Variants in PTPRD observed in about 807,000 individuals in gnomAD.
The protein encoded by PTPRD is receptor-type tyrosine-protein phosphatase delta.
Under a neutral mutation model 214.5 loss-of-function variants are expected in PTPRD, and 34 were observed. That is an observed-to-expected ratio of 0.16 (90% CI 0.12 to 0.21). The LOEUF is 0.21. PTPRD is among the 10% of genes least tolerant of loss of function. The probability of loss-of-function intolerance (pLI) is 1.00; values close to 1 mark genes in which losing one functional copy is unlikely to be tolerated. For synonymous variants in PTPRD, 1,128 were observed against 845.7 expected, an observed-to-expected ratio of 1.33 and a Z score of -5.79; for missense variants, 2,545 against 2,398.7, an observed-to-expected ratio of 1.06 and a Z score of -1.27.
At chr9:9,805,493 C>T (rs1279562651) in intron 5 of PTPRD, among the ~76,000 whole-genome samples, 1 of 152,028 alleles carries the variant, frequency 6.6e-6, no homozygotes, top group Admixed American at 6.6e-5. Context: ...AAAACAGATC[C>T]AATGTAAATA....
chr9:9,060,631 AT>A (rs1011403884), intron 10 of PTPRD, among the ~76,000 whole-genome samples: 1 of 152,142 alleles, frequency 6.6e-6, no homozygotes, highest in Non-Finnish European at 1.5e-5. Flanking sequence ...ATATAGTGAT[AT>A]CCTAGGAATA....
chr9:10,157,516 G>A (rs1326128495), intron 3 of PTPRD, among the ~76,000 whole-genome samples: 1 of 152,106 alleles, frequency 6.6e-6, no homozygotes, highest in East Asian at 1.9e-4. Flanking sequence ...AGTCTCACGG[G>A]CTTCCCTTTG....
At chr9:8,451,857 T>G in intron 33 of PTPRD, 1 of 492,342 alleles carries the variant, frequency 2.0e-6, no homozygotes, top group Non-Finnish European at 4.1e-6. Flanking sequence ...AAACCAGAAT[T>G]AGAAATATCT....
At chr9:9,959,810 A>G (rs376056924) in intron 4 of PTPRD, among the ~76,000 whole-genome samples, 1 of 152,312 alleles carries the variant, frequency 6.6e-6, no homozygotes, top group East Asian at 1.9e-4. Flanking sequence ...TTTTTCAGAT[A>G]AGCAAGGAGA....
At chr9:9,430,308 T>A (rs1030428948) in intron 8 of PTPRD, among the ~76,000 whole-genome samples, 2 of 151,836 alleles carry the variant, frequency 1.3e-5, no homozygotes, top group African/African-American at 4.8e-5. Context: ...CACAATTGCT[T>A]CAAAGAGAAT....
intron 3 of PTPRD, among the ~76,000 whole-genome samples, chr9:10,112,373 T>C (rs1456800298): frequency 1.3e-5 from 2 of 152,168 alleles, no homozygotes; most frequent in African/African-American, 2.4e-5. Context: ...CAAAAACAAA[T>C]GGGCATATTA....
At chr9:8,770,231 C>T (rs137958468) in intron 11 of PTPRD, among the ~76,000 whole-genome samples, 45 of 151,846 alleles carry the variant, frequency 3.0e-4, no homozygotes, top group African/African-American at 1.0e-3. Flanking sequence ...TGCAGTGAGC[C>T]GAGATCAAGC....
At chr9:8,372,062 A>G (rs1276244558) in intron 39 of PTPRD, among the ~76,000 whole-genome samples, 2 of 152,068 alleles carry the variant, frequency 1.3e-5, no homozygotes, top group African/African-American at 2.4e-5. Flanking sequence ...AGGTCTTTAT[A>G]CAAACAGATG....
intron 7 of PTPRD, among the ~76,000 whole-genome samples, chr9:9,710,427 C>T (rs1447598910): frequency 1.3e-5 from 2 of 151,860 alleles, no homozygotes; most frequent in Non-Finnish European, 2.9e-5. Flanking sequence ...AAGATTTAGG[C>T]CTGCAGTAAC....
At chr9:10,109,456 C>G (rs142809689) in intron 3 of PTPRD, among the ~76,000 whole-genome samples, 1 of 152,260 alleles carries the variant, frequency 6.6e-6, no homozygotes, top group East Asian at 1.9e-4. Flanking sequence ...TCCTATTGTA[C>G]TCAAATATCC....
At chr9:9,585,764 T>C (rs1318111506) in intron 7 of PTPRD, among the ~76,000 whole-genome samples, 1 of 152,004 alleles carries the variant, frequency 6.6e-6, no homozygotes, top group African/African-American at 2.4e-5. Context: ...TTATTTGCAG[T>C]TGGCTATAGC....
chr9:9,935,292 T>A (rs1746267581), intron 5 of PTPRD, among the ~76,000 whole-genome samples: 2 of 152,174 alleles, frequency 1.3e-5, no homozygotes, highest in African/African-American at 4.8e-5. Context: ...ATTGTCCCTG[T>A]TTGCAGAAGA....
At chr9:8,792,870 G>C (rs145378456) in intron 11 of PTPRD, among the ~76,000 whole-genome samples, 21 of 151,892 alleles carry the variant, frequency 1.4e-4, no homozygotes, top group African/African-American at 5.1e-4. Context: ...CTGCTAAAAA[G>C]TAATATGATT....
rs181363182 is a variant in PTPRD at position 9,631,394 on chromosome 9, T to C, written c.-286-56613A>G. 6.5e-4 allele frequency among the ~76,000 whole-genome samples: 99 copies of C among 152,268 alleles called. 1 individual carries two copies. The highest frequency in any genetic ancestry group is 1.4e-3 in the Admixed American group (22 of 15,272). On this transcript the variant is annotated intron_variant, in intron 7 of 45. Coordinates refer to ENST00000381196, the MANE Select transcript of PTPRD (RefSeq NM_002839.4). ...TCTACATCAATAGTTTCTTTTGGCA[T>C]GCACATTCAGCCACAAGTTATTCTT...
At chr9:9,030,133 A>G (rs1219627765) in intron 10 of PTPRD, among the ~76,000 whole-genome samples, 1 of 151,934 alleles carries the variant, frequency 6.6e-6, no homozygotes. Context: ...CAGGAAATCT[A>G]TGAAAGGATG....
At chr9:10,252,870 G>A (rs1444861013) in intron 3 of PTPRD, among the ~76,000 whole-genome samples, 2 of 151,878 alleles carry the variant, frequency 1.3e-5, no homozygotes, top group African/African-American at 4.8e-5. Flanking sequence ...TGCAACCTCC[G>A]CCTCCCGGGT....
At chr9:9,664,921 A>C (rs1257425187) in intron 7 of PTPRD, among the ~76,000 whole-genome samples, 2 of 151,712 alleles carry the variant, frequency 1.3e-5, no homozygotes, top group South Asian at 2.1e-4. Flanking sequence ...CAGTTCCTAG[A>C]ACAGAAACTT....
rs1821206443 is a variant in PTPRD at position 8,315,590 on chromosome 9, A to C, written c.*2284T>G. ...TCTCTGGTTCTGATGTAGGTTAGAGAGTCTCATTCTGAGGTAGCCTTCTAG... is the reference window on the plus strand; with the variant it reads ...TCTCTGGTTCTGATGTAGGTTAGAGCGTCTCATTCTGAGGTAGCCTTCTAG... On this transcript the variant is annotated 3_prime_UTR_variant, in exon 46 of 46. Transcript: ENST00000381196. The C allele has an allele frequency of 4.3e-6, 1 of 230,548 alleles. No individual in the cohort carries two copies. 14.3% of individuals were successfully genotyped at this position (230,548 alleles called of 1,614,324 possible).
At chr9:10,282,547 T>C (rs1319141210) in intron 3 of PTPRD, among the ~76,000 whole-genome samples, 3 of 152,160 alleles carry the variant, frequency 2.0e-5, no homozygotes, top group African/African-American at 7.2e-5. Flanking sequence ...ATTTAAATGA[T>C]ATTAAGATTA....
Sources: allele counts gnomAD v4.1 joint callset (sites outside exome capture counted in the v4.1 genomes callset), GRCh38; gene constraint gnomAD v4.1.1; transcripts MANE v1.5; gene names NCBI Gene and HGNC (gene_info 2026-07-23, HGNC 2026-07-21).